CADPS2: variants seen among roughly 807,000 people sequenced by gnomAD.
CADPS2 encodes calcium-dependent secretion activator 2.
In CADPS2, 93 loss-of-function variants were observed where a neutral mutation model predicts 172.5. That is an observed-to-expected ratio of 0.54 (90% CI 0.46 to 0.64). CADPS2 has a LOEUF of 0.64. Among genes scored for constraint, CADPS2 ranks in the 30% least tolerant of loss-of-function variants. CADPS2 has a pLI of 0.00. For missense variants in CADPS2, 1,420 were observed against 1,565.9 expected (o/e 0.91, Z 1.57); for synonymous variants, 546 against 555.2 (o/e 0.98, Z 0.23).
intron 1 of CADPS2, among the ~76,000 whole-genome samples, chr7:122,786,939 T>C (rs1043562818): frequency 6.6e-6 from 1 of 152,222 alleles, no homozygotes; most frequent in Non-Finnish European, 1.5e-5. Context: ...AGGTCATGGA[T>C]GTAGCATTTC....
chr7:122,678,480 T>G (rs2082611988), intron 2 of CADPS2, among the ~76,000 whole-genome samples: 1 of 152,176 alleles, frequency 6.6e-6, no homozygotes, highest in South Asian at 2.1e-4. Context: ...GCTTGGAGTT[T>G]ACGTTTTTTG....
At chr7:122,516,144 T>C (rs549273971) in intron 8 of CADPS2, among the ~76,000 whole-genome samples, 166 of 152,256 alleles carry the variant, frequency 1.1e-3, no homozygotes, top group Middle Eastern at 6.8e-3. Flanking sequence ...AGGTAAGCAT[T>C]TAAATGATGA....
chr7:122,629,336 A>G lies in CADPS2; in HGVS notation c.787-8T>C. The G allele has an allele frequency of 6.2e-7, 1 of 1,600,614 alleles. No individual in the cohort carries two copies. Among genetic ancestry groups the G allele is most frequent in the Non-Finnish European group, 8.5e-7 (1 of 1,172,888 alleles). ...TTCATCTGCGTTATCCAGCTTAAAA[A>G]TAAAACAGAAGTTACACATATGTAA... On this transcript the variant is annotated splice_polypyrimidine_tract_variant and splice_region_variant and intron_variant, in intron 3 of 29. Coordinates refer to ENST00000449022, the MANE Select transcript of CADPS2 (RefSeq NM_017954.11).
At chr7:122,457,331 T>A (rs2053905930) in intron 14 of CADPS2, among the ~76,000 whole-genome samples, 2 of 152,226 alleles carry the variant, frequency 1.3e-5, no homozygotes. Context: ...ACACATTTTA[T>A]AGATCCCTTT....
chr7:122,541,618 T>G (rs1194086319), intron 8 of CADPS2, among the ~76,000 whole-genome samples: 1 of 146,046 alleles, frequency 6.8e-6, no homozygotes, highest in Non-Finnish European at 1.5e-5. Flanking sequence ...TTCACATATA[T>G]CCATATATAT....
At chr7:122,646,707 A>T (rs1385108710) in intron 3 of CADPS2, among the ~76,000 whole-genome samples, 2 of 152,156 alleles carry the variant, frequency 1.3e-5, no homozygotes, top group African/African-American at 4.8e-5. Context: ...AAGCTTAACC[A>T]AGGAGTATAA....
intron 17 of CADPS2, among the ~76,000 whole-genome samples, chr7:122,434,923 T>C (rs1196881778): frequency 6.6e-6 from 1 of 152,214 alleles, no homozygotes; most frequent in Non-Finnish European, 1.5e-5. Flanking sequence ...CCTTCAAATA[T>C]CTGTGACAGC....
chr7:122,637,208 T>TTTTTTTTTTTTCTC lies in CADPS2; in HGVS notation c.787-7881_787-7880insGAGAAAAAAAAAAA, dbSNP rs778963218. Among the ~76,000 whole-genome samples, 25 of 62,692 alleles carry TTTTTTTTTTTTCTC rather than the reference T, an allele frequency of 4.0e-4. 2 individuals carry two copies. Among genetic ancestry groups the TTTTTTTTTTTTCTC allele is most frequent in the African/African-American group, 7.5e-4 (12 of 16,068 alleles). The allele number at this position is 62,692 out of a possible 152,430, so 41.1% of individuals were successfully genotyped here. A position where few individuals can be genotyped will look rare whatever the true frequency, so the allele number is the denominator to read the frequency against. ...TTTTTTTTTTTTTTTTTTTTTTTTT[T>TTTTTTTTTTTTCTC]CCTGAGACAGGGTCTCACTCTGTGG... On this transcript the variant is annotated intron_variant, in intron 3 of 29. Transcript: ENST00000449022.
At chr7:122,560,517 A>G (rs2065621988) in intron 7 of CADPS2, among the ~76,000 whole-genome samples, 1 of 152,196 alleles carries the variant, frequency 6.6e-6, no homozygotes, top group African/African-American at 2.4e-5. Context: ...CTCATATCCA[A>G]CTAAGTGATG....
chr7:122,556,429 G>A (rs1199536909), intron 7 of CADPS2, among the ~76,000 whole-genome samples: 1 of 152,032 alleles, frequency 6.6e-6, no homozygotes. Flanking sequence ...TATTTGGCAT[G>A]AGCCACTTAC....
intron 2 of CADPS2, among the ~76,000 whole-genome samples, chr7:122,721,213 G>A (rs2090351676): frequency 6.6e-6 from 1 of 151,952 alleles, no homozygotes; most frequent in African/African-American, 2.4e-5. Flanking sequence ...TCTCCTTAGA[G>A]ACACAAAAAA....
At chr7:122,460,687 A>G (rs1205797341) in intron 14 of CADPS2, among the ~76,000 whole-genome samples, 1 of 152,222 alleles carries the variant, frequency 6.6e-6, no homozygotes, top group Non-Finnish European at 1.5e-5. Context: ...CAGTTATTTG[A>G]AAGATAATAT....
chr7:122,679,389 C>T (rs1385682183), intron 2 of CADPS2, among the ~76,000 whole-genome samples: 1 of 150,090 alleles, frequency 6.7e-6, no homozygotes, highest in Non-Finnish European at 1.5e-5. Flanking sequence ...GAAATTCCAG[C>T]CTGGCGAATT....
chr7:122,772,266 G>A (rs2093728149), intron 1 of CADPS2, among the ~76,000 whole-genome samples: 1 of 152,174 alleles, frequency 6.6e-6, no homozygotes, highest in Non-Finnish European at 1.5e-5. Context: ...TATCCACTAA[G>A]ATTGTCATAT....
chr7:122,656,493 G>A (rs1470563930), intron 3 of CADPS2, among the ~76,000 whole-genome samples: 1 of 152,156 alleles, frequency 6.6e-6, no homozygotes, highest in African/African-American at 2.4e-5. Flanking sequence ...TGCATCCAGG[G>A]AAGAGAATGA....
intron 1 of CADPS2, among the ~76,000 whole-genome samples, chr7:122,770,377 ATTTT>A (rs1365461904): frequency 1.3e-5 from 2 of 152,048 alleles, no homozygotes; most frequent in Non-Finnish European, 2.9e-5. Context: ...ATTATTATTT[ATTTT>A]TTATTTTTGG....
chr7:122,876,041 C>T (rs1313563644), intron 1 of CADPS2, among the ~76,000 whole-genome samples: 2 of 152,142 alleles, frequency 1.3e-5, no homozygotes, highest in African/African-American at 2.4e-5. Context: ...TGGAATCTGG[C>T]CAGGTACAGT....
chr7:122,634,238 G>A (rs1377623783), intron 3 of CADPS2, among the ~76,000 whole-genome samples: 4 of 152,068 alleles, frequency 2.6e-5, no homozygotes, highest in East Asian at 1.9e-4. Flanking sequence ...GATTGGTACC[G>A]GTTCTTCTTT....
In CADPS2 at chr7:122,491,220, A is replaced by C. The variant is rs1008137350; in HGVS notation, c.1651+92T>G. The C allele has an allele frequency of 3.5e-5, 25 of 716,936 alleles. No individual in the cohort carries two copies. In the African/African-American group the frequency reaches 4.0e-4, roughly 12 times the overall value. 44.4% of individuals were successfully genotyped at this position (716,936 alleles called of 1,614,324 possible). Reference sequence around the variant, plus strand: ...AGTGAAATATGCACCCTATTCATCGAGAGGGGTTTAAATTGTAGAACAGAC... The same window carrying C: ...AGTGAAATATGCACCCTATTCATCGCGAGGGGTTTAAATTGTAGAACAGAC... On this transcript the variant is annotated intron_variant, in intron 10 of 29. Transcript: ENST00000449022.
Sources: allele counts gnomAD v4.1 joint callset (sites outside exome capture counted in the v4.1 genomes callset), GRCh38; gene constraint gnomAD v4.1.1; transcripts MANE v1.5; gene names NCBI Gene and HGNC (gene_info 2026-07-23, HGNC 2026-07-21).